Variants in PLAA observed in about 807,000 individuals in gnomAD.
The protein encoded by PLAA is phospholipase A-2-activating protein.
In PLAA, 48 loss-of-function variants were observed where a neutral mutation model predicts 84.1. The observed-to-expected ratio is 0.57, with a 90% CI of 0.45 to 0.73. The LOEUF (loss-of-function observed/expected upper bound fraction) is 0.73. PLAA is among the 30% of genes least tolerant of loss of function. PLAA has a pLI of 0.00. For synonymous variants in PLAA, 392 were observed against 336.6 expected (o/e 1.16, Z -1.80); for missense variants, 903 against 954.7 (o/e 0.95, Z 0.71).
At chr9:26,937,014 G>A (rs1403231374) in intron 1 of PLAA, among the ~76,000 whole-genome samples, 1 of 152,078 alleles carries the variant, frequency 6.6e-6, no homozygotes, top group Non-Finnish European at 1.5e-5. Flanking sequence ...AGTGGCAGGT[G>A]CCTGTAATTC....
In PLAA at chr9:26,904,280, T is replaced by C. The variant is rs945838674; in HGVS notation, c.*1231A>G. ...ATTCATGGTTTTTACACCACGAGTA[T>C]TGAGAATGTTGCTATTTCTGGCAAC... On this transcript the variant is annotated 3_prime_UTR_variant, in exon 14 of 14. Transcript: ENST00000397292. The C allele has an allele frequency of 1.3e-5, 2 of 152,214 alleles. No individual in the cohort carries two copies. Among genetic ancestry groups the C allele is most frequent in the African/African-American group, 4.8e-5 (2 of 41,464 alleles). 9.4% of individuals were successfully genotyped at this position (152,214 alleles called of 1,614,324 possible). A position where few individuals can be genotyped will look rare whatever the true frequency, so the allele number is the denominator to read the frequency against.
Position 26,906,071 on chromosome 9 carries a change from C to A in PLAA, c.1828G>T (p.Val610Phe). 4 of 1,470,786 alleles carry A rather than the reference C, an allele frequency of 2.7e-6. No homozygotes were observed. The highest frequency in any genetic ancestry group is 2.9e-5 in the South Asian group (2 of 68,208). The allele number at this position is 1,470,786 out of a possible 1,614,324, so 91.1% of individuals were successfully genotyped here. Residue 610 changes from valine (V) to phenylalanine (F), a missense_variant, in exon 14 of 14, where the codon GTC becomes TTC. Transcript: ENST00000397292. ...WKAINCPEDI[V>F]FPALDILRLS... Reference sequence around the variant, plus strand: ...CGAAGAATGTCAAGTGCAGGAAAGACAATATCTATTAAAAAAAAAAAGTCA... The same window carrying A: ...CGAAGAATGTCAAGTGCAGGAAAGAAAATATCTATTAAAAAAAAAAAGTCA...
At chr9:26,946,621 C>A (rs895286368) in intron 1 of PLAA, among the ~76,000 whole-genome samples, 1 of 152,110 alleles carries the variant, frequency 6.6e-6, no homozygotes. Flanking sequence ...GGGAGATCAT[C>A]GTCCAAAAAC....
chr9:26,945,943 T>C (rs756700672), intron 1 of PLAA, among the ~76,000 whole-genome samples: 1 of 152,232 alleles, frequency 6.6e-6, no homozygotes, highest in Non-Finnish European at 1.5e-5. Flanking sequence ...CAGTTTTTAA[T>C]TATTTATTGG....
intron 10 of PLAA, among the ~76,000 whole-genome samples, chr9:26,915,478 T>C (rs1008365589): frequency 2.0e-5 from 3 of 152,180 alleles, no homozygotes; most frequent in African/African-American, 7.2e-5. Context: ...TGTAGCCAGA[T>C]AGGGAAATCT....
intron 2 of PLAA, among the ~76,000 whole-genome samples, chr9:26,928,828 T>G (rs552006940): frequency 6.6e-6 from 1 of 152,364 alleles, no homozygotes; most frequent in East Asian, 1.9e-4. Context: ...CCAAGCTCAA[T>G]GTCCAAAAGT....
chr9:26,947,177 G>T lies in PLAA; in HGVS notation c.-132C>A. 1.8e-6 allele frequency: 2 copies of T among 1,113,336 alleles called. No homozygotes were observed. The highest frequency in any genetic ancestry group is 3.6e-5 in the South Asian group (2 of 56,088). The allele number at this position is 1,113,336 out of a possible 1,614,324, so 69.0% of individuals were successfully genotyped here. A position where few individuals can be genotyped will look rare whatever the true frequency, so the allele number is the denominator to read the frequency against. On this transcript the variant is annotated 5_prime_UTR_variant, in exon 1 of 14. Transcript: ENST00000397292. ...GGGCGGCCGGAGACCGGAAGAGCCC[G>T]AGAGCCGGTACGGAAGGGCGGCTGG...
At chr9:26,930,347 G>A (rs538231552) in intron 2 of PLAA, among the ~76,000 whole-genome samples, 13 of 152,006 alleles carry the variant, frequency 8.6e-5, no homozygotes, top group African/African-American at 2.2e-4. Context: ...CTTATGATCC[G>A]CCCGCCTTGG....
At position 26,931,917 on chromosome 9, in the gene PLAA, T is replaced by C. The variant is rs532293570; in HGVS notation, c.343+3096A>G. 1.2e-4 allele frequency among the ~76,000 whole-genome samples: 18 copies of C among 152,208 alleles called. 1 individual carries two copies. The South Asian group carries it at 1.2e-3, about 11-fold the overall frequency. On this transcript the variant is annotated intron_variant, in intron 2 of 13. Transcript: ENST00000397292. Reference sequence around the variant, plus strand: ...CTGGACAACATGGTGAAACCCCATCTCTACTAAAACTACAAAAAACTTAGC... The same window carrying C: ...CTGGACAACATGGTGAAACCCCATCCCTACTAAAACTACAAAAAACTTAGC...
chr9:26,929,010 C>G (rs1017531274), intron 2 of PLAA, among the ~76,000 whole-genome samples: 2 of 151,338 alleles, frequency 1.3e-5, no homozygotes, highest in African/African-American at 4.9e-5. Context: ...CCGGCCTGGG[C>G]AATGTGGAGA....
chr9:26,928,118 A>AGT lies in PLAA; in HGVS notation c.546_547insAC (p.Cys183ThrfsTer13). The AGT allele has an allele frequency of 1.2e-6, 2 of 1,614,004 alleles. No individual in the cohort carries two copies. Among genetic ancestry groups the AGT allele is most frequent in the Non-Finnish European group, 1.7e-6 (2 of 1,179,994 alleles). Reference sequence around the variant, plus strand: ...ATCTTACCTGAAAAAGTCCTCTCACATCTTCCAGCCTTCCACAGTTTAACA... The same window carrying AGT: ...ATCTTACCTGAAAAAGTCCTCTCACAGTTCTTCCAGCCTTCCACAGTTTAACA... On this transcript the variant is annotated frameshift_variant, in exon 4 of 14. Coordinates refer to ENST00000397292, the MANE Select transcript of PLAA (RefSeq NM_001031689.3). LOFTEE classifies it high-confidence loss of function.
At chr9:26,908,259 C>T (rs975203760) in intron 12 of PLAA, among the ~76,000 whole-genome samples, 6 of 151,262 alleles carry the variant, frequency 4.0e-5, no homozygotes, top group Non-Finnish European at 7.4e-5. Flanking sequence ...GCTCGCCCCC[C>T]AGGTTCAAGC....
intron 10 of PLAA, among the ~76,000 whole-genome samples, chr9:26,914,229 G>A (rs940980542): frequency 3.9e-5 from 6 of 152,106 alleles, no homozygotes; most frequent in African/African-American, 1.2e-4. Flanking sequence ...AAAGTTTCCA[G>A]AATAAAATGT....
intron 11 of PLAA, 67 bp downstream of exon 11, chr9:26,913,812 C>G: frequency 8.6e-7 from 1 of 1,159,294 alleles, no homozygotes. Context: ...TTTTCTTACT[C>G]TTTTTATTAA....
intron 2 of PLAA, among the ~76,000 whole-genome samples, chr9:26,933,522 C>T (rs1825251559): frequency 6.6e-6 from 1 of 151,946 alleles, no homozygotes; most frequent in Non-Finnish European, 1.5e-5. Flanking sequence ...GGCGCAGTGG[C>T]TCACGCCTGT....
At chr9:26,934,968 G>T (rs759298371) in intron 2 of PLAA, 45 bp downstream of exon 2, 3 of 1,339,150 alleles carry the variant, frequency 2.2e-6, no homozygotes, top group Admixed American at 5.1e-5. Flanking sequence ...CTTTCAAAGG[G>T]ATAAAACTTC....
intron 2 of PLAA, among the ~76,000 whole-genome samples, chr9:26,933,692 G>A (rs1421524217): frequency 6.6e-6 from 1 of 150,882 alleles, no homozygotes; most frequent in Non-Finnish European, 1.5e-5. Flanking sequence ...GGCAGGCTGA[G>A]GCAGGAGAAT....
Position 26,903,958 on chromosome 9 carries a change from T to G in PLAA, c.*1553A>C, listed in dbSNP as rs1284399741. On this transcript the variant is annotated 3_prime_UTR_variant, in exon 14 of 14. Transcript: ENST00000397292. ...GTATTGTAAAGGAACCAGCCAGACC[T>G]GGGTTAAATTCCTAATTTTGCCATT... 6.5e-6 allele frequency: 1 copy of G among 153,776 alleles called. No homozygotes were observed. Among genetic ancestry groups the G allele is most frequent in the Non-Finnish European group, 1.5e-5 (1 of 68,034 alleles). 9.5% of individuals were successfully genotyped at this position (153,776 alleles called of 1,614,324 possible).
In PLAA at chr9:26,908,915, CAAAG is replaced by C. The variant is rs556291325; in HGVS notation, c.1658-921_1658-918del. Among the ~76,000 whole-genome samples, 5 of 152,138 alleles carry C rather than the reference CAAAG, an allele frequency of 3.3e-5. No homozygotes were observed. The South Asian group carries it at 1.0e-3, about 32-fold the overall frequency. On this transcript the variant is annotated intron_variant, in intron 12 of 13. Transcript: ENST00000397292. ...ATTCTACAGCTGTCAATGAAATAGT[CAAAG>C]AGTTAAATGCCTACTGATAACATTT...
Sources: allele counts gnomAD v4.1 joint callset (sites outside exome capture counted in the v4.1 genomes callset), GRCh38; gene constraint gnomAD v4.1.1; transcripts MANE v1.5; gene names NCBI Gene and HGNC (gene_info 2026-07-23, HGNC 2026-07-21).